The following ARHGEF6 variants were observed in gnomAD, a reference collection of about 807,000 sequenced individuals.
The protein encoded by ARHGEF6 is Rac/Cdc42 guanine nucleotide exchange factor 6.
In ARHGEF6, 9 loss-of-function variants were observed where a neutral mutation model predicts 70.3. The observed-to-expected ratio is 0.13, with a 90% confidence interval of 0.08 to 0.22. ARHGEF6 has a LOEUF of 0.22. Among genes scored for constraint, ARHGEF6 ranks in the 10% least tolerant of loss-of-function variants. ARHGEF6 has a pLI of 1.00. For missense variants in ARHGEF6, 470 were observed against 563.0 expected (o/e 0.83, Z 1.67); for synonymous variants, 201 against 207.8 (o/e 0.97, Z 0.28).
intron 5 of ARHGEF6, among the ~76,000 whole-genome samples, chrX:136,738,063 T>C (rs1358790185): frequency 9.1e-6 from 1 of 109,728 alleles, no homozygotes; most frequent in Non-Finnish European, 1.9e-5. Context: ...TTACCTGTCT[T>C]TCAGTGTTCA....
At chrX:136,715,939 GT>G (rs1478456344) in intron 6 of ARHGEF6, among the ~76,000 whole-genome samples, 1 of 112,388 alleles carries the variant, frequency 8.9e-6, no homozygotes, top group Non-Finnish European at 1.9e-5. Flanking sequence ...TTGTTTGTTT[GT>G]TTCTGTTTTT....
intron 2 of ARHGEF6, among the ~76,000 whole-genome samples, chrX:136,770,795 G>A (rs1391185601): frequency 7.1e-5 from 8 of 112,293 alleles, no homozygotes; most frequent in East Asian, 2.8e-4. Context: ...TCAGGAGCTC[G>A]AGACCAGCCT....
chrX:136,670,877 T>C (rs1187083884), intron 20 of ARHGEF6, among the ~76,000 whole-genome samples: 1 of 111,436 alleles, frequency 9.0e-6, no homozygotes, highest in Non-Finnish European at 1.9e-5. Context: ...AGCCTTTTCC[T>C]CTCTGGGTCT....
At chrX:136,757,423 A>T (rs1323605570) in intron 2 of ARHGEF6, among the ~76,000 whole-genome samples, 1 of 112,313 alleles carries the variant, frequency 8.9e-6, no homozygotes, top group Non-Finnish European at 1.9e-5. Flanking sequence ...AAATAAATTT[A>T]AAATAATTTC....
chrX:136,686,695 CACATATATATATACATATATAT>C (rs2076402982), intron 11 of ARHGEF6, among the ~76,000 whole-genome samples: 7 of 43,173 alleles, frequency 1.6e-4, no homozygotes, highest in Middle Eastern at 0.018. Flanking sequence ...TATATATATA[CACATATATATATACATATATAT>C]ATATATATAT....
At chrX:136,697,203 T>C (rs2076522374) in intron 9 of ARHGEF6, among the ~76,000 whole-genome samples, 1 of 111,649 alleles carries the variant, frequency 9.0e-6, no homozygotes. Context: ...AAATTGGTTT[T>C]ATTTGGAAAA....
At chrX:136,686,721 T>TAC (rs1311562548) in intron 11 of ARHGEF6, among the ~76,000 whole-genome samples, 1 of 90,413 alleles carries the variant, frequency 1.1e-5, no homozygotes, top group Non-Finnish European at 2.2e-5. Context: ...TATATATATA[T>TAC]ATATATATAT....
In ARHGEF6 at chrX:136,715,207, G is replaced by A. The variant is rs780828465; in HGVS notation, c.733-1837C>T. Among the ~76,000 whole-genome samples the A allele has an allele frequency of 7.5e-4, 83 of 110,626 alleles. 1 individual carries two copies. Among genetic ancestry groups the A allele is most frequent in the Admixed American group, 3.5e-3 (36 of 10,381 alleles). On this transcript the variant is annotated intron_variant, in intron 6 of 21. Coordinates refer to ENST00000250617, the MANE Select transcript of ARHGEF6 (RefSeq NM_004840.3). Reference sequence around the variant, plus strand: ...GGGTTCTGGAGGTATTGATGTTCTCGGAAATTAACCCAGTAATGGAATAGA... The same window carrying A: ...GGGTTCTGGAGGTATTGATGTTCTCAGAAATTAACCCAGTAATGGAATAGA...
chrX:136,761,409 G>A (rs2077262544), intron 2 of ARHGEF6, among the ~76,000 whole-genome samples: 1 of 112,136 alleles, frequency 8.9e-6, no homozygotes, highest in Admixed American at 9.5e-5. Flanking sequence ...CTGTCTTTAT[G>A]TAGCCTTCCA....
At chrX:136,755,675 C>G (rs2077198628) in intron 2 of ARHGEF6, among the ~76,000 whole-genome samples, 1 of 112,200 alleles carries the variant, frequency 8.9e-6, no homozygotes, top group Admixed American at 9.4e-5. Context: ...TCCTCACTGA[C>G]CTACCTTCAT....
intron 2 of ARHGEF6, among the ~76,000 whole-genome samples, chrX:136,769,236 ACC>A (rs2077346045): frequency 1.8e-5 from 2 of 110,322 alleles, no homozygotes; most frequent in African/African-American, 6.6e-5. Context: ...ACAGGGCGAA[ACC>A]CTGTCTCTAC....
At chrX:136,695,047 GGAAA>G (rs1198041700) in intron 9 of ARHGEF6, among the ~76,000 whole-genome samples, 4 of 111,911 alleles carry the variant, frequency 3.6e-5, no homozygotes, top group Non-Finnish European at 7.5e-5. Context: ...GCTTCAGCAA[GGAAA>G]GAACAGAAAT....
intron 2 of ARHGEF6, among the ~76,000 whole-genome samples, chrX:136,751,035 T>G (rs1418013965): frequency 9.0e-6 from 1 of 111,246 alleles, no homozygotes. Context: ...TGGGGTTTCA[T>G]CATGTTGGCC....
chrX:136,779,109 AC>A (rs932283174), intron 2 of ARHGEF6, among the ~76,000 whole-genome samples: 1 of 111,999 alleles, frequency 8.9e-6, no homozygotes, highest in Non-Finnish European at 1.9e-5. Flanking sequence ...TCAGTGGCCC[AC>A]TTTTGGTTCC....
At chrX:136,713,982 T>C (rs2076712570) in intron 6 of ARHGEF6, among the ~76,000 whole-genome samples, 1 of 111,971 alleles carries the variant, frequency 8.9e-6, no homozygotes, top group Admixed American at 9.5e-5. Flanking sequence ...TTAAGTTATG[T>C]TTGTGATAAG....
intron 2 of ARHGEF6, chrX:136,767,838 G>GAGC (rs57856447): frequency 0.012 from 7,935 of 659,659 alleles, 27 homozygotes; most frequent in African/African-American, 0.017. Flanking sequence ...GGCGCAGGCA[G>GAGC]AGCAGCAGCA....
In ARHGEF6 at chrX:136,780,737, A is replaced by G. The variant is rs2077440539; in HGVS notation, c.146T>C (p.Met49Thr). ...CCTTACCTTTTCCACAGAGCCAGGC[A>G]TGAGTCTGTTGATCAGTTTGCACAG... Reference protein sequence around the residue: ...VVLCKLINRLMPGSVEKFCLD... With the variant: ...VVLCKLINRLTPGSVEKFCLD... The change falls in exon 1 of 22, where the codon ATG becomes ACG. Residue 49 changes from methionine to threonine, a missense_variant. Met to Thr is a moderately conservative substitution (Grantham distance 81). Transcript: ENST00000250617. The G allele has an allele frequency of 8.3e-7, 1 of 1,209,538 alleles. No homozygotes were observed. The highest frequency in any genetic ancestry group is 1.8e-5 in the African/African-American group (1 of 57,061).
At chrX:136,745,459 A>G (rs1390305378) in intron 3 of ARHGEF6, 112 bp from the exon 4 acceptor site, 10 of 959,542 alleles carry the variant, frequency 1.0e-5, no homozygotes, top group Non-Finnish European at 1.5e-5. Context: ...CTGTAATTCT[A>G]ACTGTTATCA....
chrX:136,727,345 C>CT (rs1234828855), intron 6 of ARHGEF6, among the ~76,000 whole-genome samples: 1 of 44,317 alleles, frequency 2.3e-5, no homozygotes, highest in African/African-American at 9.5e-5. Context: ...TTCTTTCTTT[C>CT]TTTCTTTCTT....
Sources: allele counts gnomAD v4.1 joint callset (sites outside exome capture counted in the v4.1 genomes callset), GRCh38; gene constraint gnomAD v4.1.1; transcripts MANE v1.5; gene names NCBI Gene and HGNC (gene_info 2026-07-23, HGNC 2026-07-21).